HS3ST2: variants seen among roughly 807,000 people sequenced by gnomAD.
The protein encoded by HS3ST2 is heparan sulfate-glucosamine 3-sulfotransferase 2.
HS3ST2 carries 17 observed loss-of-function variants against 26.3 expected under a neutral mutation model. That is an observed-to-expected ratio of 0.65 (90% CI 0.44 to 0.97). The LOEUF is 0.97. Among genes scored for constraint, HS3ST2 ranks in the 50% least tolerant of loss-of-function variants. The probability of loss-of-function intolerance (pLI) is 0.00; values close to 1 mark genes in which losing one functional copy is unlikely to be tolerated. For missense variants in HS3ST2, 402 were observed against 501.2 expected, an observed-to-expected ratio of 0.80 and a Z score of 1.89; for synonymous variants, 237 against 219.2, an observed-to-expected ratio of 1.08 and a Z score of -0.72.
At chr16:22,880,927 G>T (rs1225845994) in intron 1 of HS3ST2, among the ~76,000 whole-genome samples, 6 of 152,202 alleles carry the variant, frequency 3.9e-5, no homozygotes, top group Non-Finnish European at 4.4e-5. Flanking sequence ...GTCGAGTGAT[G>T]GATACAGAGA....
chr16:22,822,200 AT>A (rs930831076), intron 1 of HS3ST2, among the ~76,000 whole-genome samples: 1 of 151,350 alleles, frequency 6.6e-6, no homozygotes, highest in Non-Finnish European at 1.5e-5. Flanking sequence ...TATTTTCTTA[AT>A]TTTTTTTTGA....
intron 1 of HS3ST2, among the ~76,000 whole-genome samples, chr16:22,904,804 A>G (rs1283143035): frequency 6.6e-6 from 1 of 152,214 alleles, no homozygotes; most frequent in African/African-American, 2.4e-5. Flanking sequence ...TGGTCGCTGG[A>G]GTATGAGCTG....
chr16:22,821,020 C>T (rs1162145882), intron 1 of HS3ST2, among the ~76,000 whole-genome samples: 1 of 152,140 alleles, frequency 6.6e-6, no homozygotes. Flanking sequence ...CTGGACCTTC[C>T]AAAGAGCCAG....
chr16:22,814,426 C>T lies in HS3ST2; in HGVS notation c.-185C>T. 2.0e-6 allele frequency: 1 copy of T among 506,654 alleles called. No individual in the cohort carries two copies. Among genetic ancestry groups the T allele is most frequent in the Non-Finnish European group, 3.3e-6 (1 of 301,648 alleles). 31.4% of individuals were successfully genotyped at this position (506,654 alleles called of 1,614,324 possible). A position where few individuals can be genotyped will look rare whatever the true frequency, so the allele number is the denominator to read the frequency against. ...GCCTGTTCCCCGAGGAGCCGCTGCC[C>T]CCGGGACCCCCTGGCACTGTGCGCA... On this transcript the variant is annotated 5_prime_UTR_variant, in exon 1 of 2. Coordinates refer to ENST00000261374, the MANE Select transcript of HS3ST2 (RefSeq NM_006043.2).
intron 1 of HS3ST2, among the ~76,000 whole-genome samples, chr16:22,902,653 T>C (rs549563890): frequency 1.3e-5 from 2 of 152,382 alleles, no homozygotes; most frequent in African/African-American, 2.4e-5. Context: ...TCAATGTATA[T>C]GTCTACCAAA....
intron 1 of HS3ST2, among the ~76,000 whole-genome samples, chr16:22,843,249 T>C (rs1458846279): frequency 6.6e-6 from 1 of 152,134 alleles, no homozygotes; most frequent in East Asian, 1.9e-4. Flanking sequence ...TTGCTTCTGC[T>C]GTACTAGGAC....
chr16:22,885,722 C>G (rs1266897058), intron 1 of HS3ST2, among the ~76,000 whole-genome samples: 2 of 152,300 alleles, frequency 1.3e-5, no homozygotes, highest in African/African-American at 4.8e-5. Context: ...TCCCAAAGTG[C>G]TGGAATTACA....
At chr16:22,900,749 C>A (rs1048301662) in intron 1 of HS3ST2, among the ~76,000 whole-genome samples, 4 of 152,002 alleles carry the variant, frequency 2.6e-5, no homozygotes. Flanking sequence ...TGGGCAAGTG[C>A]TTCAGAGGCC....
intron 1 of HS3ST2, among the ~76,000 whole-genome samples, chr16:22,867,956 A>G (rs973149801): frequency 1.3e-5 from 2 of 152,220 alleles, no homozygotes; most frequent in African/African-American, 4.8e-5. Context: ...GATTAAGTAA[A>G]TGGATGTAAA....
At chr16:22,882,120 G>A (rs1005770225) in intron 1 of HS3ST2, among the ~76,000 whole-genome samples, 8 of 152,228 alleles carry the variant, frequency 5.3e-5, no homozygotes, top group African/African-American at 1.9e-4. Context: ...AGCACTTGGG[G>A]AGGCCGAGGT....
At chr16:22,816,000 T>C (rs1311244633) in intron 1 of HS3ST2, among the ~76,000 whole-genome samples, 1 of 152,204 alleles carries the variant, frequency 6.6e-6, no homozygotes, top group Non-Finnish European at 1.5e-5. Flanking sequence ...ATGCTTCCCA[T>C]GCATGCCAGG....
At chr16:22,852,372 C>T (rs2141186098) in intron 1 of HS3ST2, among the ~76,000 whole-genome samples, 1 of 152,246 alleles carries the variant, frequency 6.6e-6, no homozygotes, top group East Asian at 1.9e-4. Context: ...ACTATAATGG[C>T]AAATGTGAGA....
In HS3ST2 at chr16:22,908,385, GTGGGGTGGGTA is replaced by G. The variant is rs200185470; in HGVS notation, c.486-6557_486-6547del. On this transcript the variant is annotated intron_variant, in intron 1 of 1. Coordinates refer to ENST00000261374, the MANE Select transcript of HS3ST2 (RefSeq NM_006043.2). ...CTGCCCTCATGTAATTTATAATCAA[GTGGGGTGGGTA>G]TAGCTTCAACAGAAAATAAGTGTCT... Among the ~76,000 whole-genome samples, 762 of 152,284 alleles carry G rather than the reference GTGGGGTGGGTA, an allele frequency of 5.0e-3. 8 individuals carry two copies. Among genetic ancestry groups the G allele is most frequent in the African/African-American group, 0.017 (725 of 41,542 alleles).
chr16:22,860,195 C>T (rs1901655363), intron 1 of HS3ST2, among the ~76,000 whole-genome samples: 1 of 152,156 alleles, frequency 6.6e-6, no homozygotes. Context: ...CACAGTTCCA[C>T]ATGGCTGGGG....
At chr16:22,874,647 G>C (rs1177045561) in intron 1 of HS3ST2, among the ~76,000 whole-genome samples, 1 of 152,224 alleles carries the variant, frequency 6.6e-6, no homozygotes, top group Non-Finnish European at 1.5e-5. Context: ...ACTGCTGAGA[G>C]CTGGCAGAGG....
chr16:22,881,406 T>C (rs1303157034), intron 1 of HS3ST2, among the ~76,000 whole-genome samples: 1 of 152,200 alleles, frequency 6.6e-6, no homozygotes, highest in Non-Finnish European at 1.5e-5. Flanking sequence ...CCAAGGGCTC[T>C]CCTGGGTCCT....
At chr16:22,838,376 C>G (rs1164220572) in intron 1 of HS3ST2, among the ~76,000 whole-genome samples, 1 of 152,114 alleles carries the variant, frequency 6.6e-6, no homozygotes, top group East Asian at 1.9e-4. Flanking sequence ...CAGATGCAAG[C>G]ATGCCTGCCA....
chr16:22,891,097 G>C (rs1902121871), intron 1 of HS3ST2, among the ~76,000 whole-genome samples: 1 of 152,202 alleles, frequency 6.6e-6, no homozygotes, highest in South Asian at 2.1e-4. Context: ...AACCCTAGGG[G>C]AAAGCATTGG....
At chr16:22,872,347 T>C (rs978643148) in intron 1 of HS3ST2, among the ~76,000 whole-genome samples, 2 of 152,232 alleles carry the variant, frequency 1.3e-5, no homozygotes, top group South Asian at 4.1e-4. Flanking sequence ...CCCAGAGCTT[T>C]ATCTCCTATA....
Sources: allele counts gnomAD v4.1 joint callset (sites outside exome capture counted in the v4.1 genomes callset), GRCh38; gene constraint gnomAD v4.1.1; transcripts MANE v1.5; gene names NCBI Gene and HGNC (gene_info 2026-07-23, HGNC 2026-07-21).